The following UNC5D variants were observed in gnomAD, a reference collection of about 807,000 sequenced individuals.
The protein encoded by UNC5D is netrin receptor UNC5D.
A neutral mutation model predicts 105.4 loss-of-function variants in UNC5D; 39 were observed. That is an observed-to-expected ratio of 0.37 (90% CI 0.29 to 0.48). The LOEUF (loss-of-function observed/expected upper bound fraction) is 0.48, where lower values mean the gene tolerates loss of function less well. UNC5D is among the 20% of genes least tolerant of loss of function. The pLI is 0.98. For synonymous variants in UNC5D, 452 were observed against 450.4 expected, an observed-to-expected ratio of 1.00 and a Z score of -0.04; for missense variants, 991 against 1,202.4, an observed-to-expected ratio of 0.82 and a Z score of 2.60.
intron 4 of UNC5D, among the ~76,000 whole-genome samples, chr8:35,628,336 G>A (rs369870261): frequency 2.6e-4 from 39 of 152,174 alleles, no homozygotes; most frequent in African/African-American, 8.7e-4. Flanking sequence ...GTTTCACCAC[G>A]TTGGCCAGGC....
intron 1 of UNC5D, among the ~76,000 whole-genome samples, chr8:35,288,669 T>C (rs570685639): frequency 5.8e-4 from 88 of 152,312 alleles, no homozygotes; most frequent in South Asian, 1.2e-3. Flanking sequence ...ATTGTTGAGA[T>C]AGAAATTACA....
intron 1 of UNC5D, among the ~76,000 whole-genome samples, chr8:35,292,716 C>CTT (rs35935733): frequency 0.01 from 1,295 of 123,574 alleles, 19 homozygotes; most frequent in African/African-American, 0.018. Flanking sequence ...CTTTTTTTTC[C>CTT]TTTTTTTTTT....
intron 1 of UNC5D, among the ~76,000 whole-genome samples, chr8:35,308,097 C>T (rs1808568885): frequency 1.4e-5 from 2 of 145,168 alleles, no homozygotes; most frequent in African/African-American, 5.0e-5. Flanking sequence ...TATTTTAAGC[C>T]TTTTCTATGT....
intron 1 of UNC5D, among the ~76,000 whole-genome samples, chr8:35,302,555 G>T (rs1808039403): frequency 6.6e-6 from 1 of 152,186 alleles, no homozygotes; most frequent in African/African-American, 2.4e-5. Context: ...AAGTGCACAT[G>T]ATAGACCAAA....
At chr8:35,555,601 G>A (rs1349243754) in intron 2 of UNC5D, among the ~76,000 whole-genome samples, 3 of 152,156 alleles carry the variant, frequency 2.0e-5, no homozygotes, top group East Asian at 3.9e-4. Context: ...GCCAAGGCAG[G>A]CAGATCACAA....
intron 1 of UNC5D, among the ~76,000 whole-genome samples, chr8:35,337,471 T>A (rs149510213): frequency 6.6e-6 from 1 of 152,222 alleles, no homozygotes; most frequent in Non-Finnish European, 1.5e-5. Flanking sequence ...TACGCATTGA[T>A]GCTATTCAGT....
intron 1 of UNC5D, among the ~76,000 whole-genome samples, chr8:35,415,159 T>C (rs895227464): frequency 2.0e-5 from 3 of 152,136 alleles, no homozygotes; most frequent in African/African-American, 7.2e-5. Flanking sequence ...ACAGAAGTTA[T>C]GATAGATTTT....
intron 16 of UNC5D, among the ~76,000 whole-genome samples, chr8:35,784,472 G>A (rs914389503): frequency 9.2e-5 from 14 of 152,160 alleles, no homozygotes; most frequent in African/African-American, 3.4e-4. Context: ...GTTTAGGCCA[G>A]GCACGACAGC....
intron 4 of UNC5D, among the ~76,000 whole-genome samples, chr8:35,631,425 C>T (rs527855218): frequency 8.5e-5 from 13 of 152,290 alleles, no homozygotes; most frequent in South Asian, 6.2e-4. Context: ...CATAGTTCTT[C>T]AGACTCCTGG....
intron 7 of UNC5D, among the ~76,000 whole-genome samples, chr8:35,700,046 A>T (rs190294157): frequency 6.6e-6 from 1 of 152,218 alleles, no homozygotes; most frequent in Non-Finnish European, 1.5e-5. Context: ...TCTCCCTGAC[A>T]TATTCCGGCA....
chr8:35,272,285 C>T (rs189252188), intron 1 of UNC5D, among the ~76,000 whole-genome samples: 4 of 152,178 alleles, frequency 2.6e-5, no homozygotes, highest in East Asian at 1.9e-4. Context: ...TAGAATTTTC[C>T]GTTTTAAATG....
intron 1 of UNC5D, among the ~76,000 whole-genome samples, chr8:35,421,052 C>T (rs1378744251): frequency 6.6e-6 from 1 of 152,112 alleles, no homozygotes; most frequent in Non-Finnish European, 1.5e-5. Flanking sequence ...GAATCCCTCT[C>T]CATTCCCTCC....
At chr8:35,733,051 T>C (rs572174982) in intron 11 of UNC5D, among the ~76,000 whole-genome samples, 1 of 151,882 alleles carries the variant, frequency 6.6e-6, no homozygotes, top group South Asian at 2.1e-4. Context: ...TCTAACACTT[T>C]AGATCTGTGA....
chr8:35,687,956 C>T (rs1826128358), intron 7 of UNC5D, among the ~76,000 whole-genome samples: 1 of 151,892 alleles, frequency 6.6e-6, no homozygotes, highest in Admixed American at 6.6e-5. Context: ...CGGTGAAACC[C>T]CATCTCTACT....
chr8:35,784,459 A>G (rs947739068), intron 16 of UNC5D, among the ~76,000 whole-genome samples: 3 of 152,156 alleles, frequency 2.0e-5, no homozygotes, highest in African/African-American at 4.8e-5. Context: ...TAGAGATTAG[A>G]TTGTTTAGGC....
chr8:35,580,440 G>GA lies in UNC5D; in HGVS notation c.466+12207dup, dbSNP rs528300379. ...CCTCAGCTCTCAAATTGCTGATGAG[G>GA]AAAAAAAACAAAAACAAAAACAAAA... On this transcript the variant is annotated intron_variant, in intron 3 of 16. Coordinates refer to ENST00000404895, the MANE Select transcript of UNC5D (RefSeq NM_080872.4). Among the ~76,000 whole-genome samples, 712 of 150,322 alleles carry GA rather than the reference G, an allele frequency of 4.7e-3. 4 individuals are homozygous for GA. The highest frequency in any genetic ancestry group is 0.01 in the Middle Eastern group (3 of 292).
At chr8:35,485,636 A>T (rs1322620708) in intron 1 of UNC5D, among the ~76,000 whole-genome samples, 1 of 152,106 alleles carries the variant, frequency 6.6e-6, no homozygotes, top group Non-Finnish European at 1.5e-5. Context: ...CCCCAGTAGC[A>T]CAAGCAGTGT....
chr8:35,709,942 CTT>C (rs1827835851), intron 8 of UNC5D, among the ~76,000 whole-genome samples: 1 of 152,038 alleles, frequency 6.6e-6, no homozygotes. Context: ...GGGAAGAAAA[CTT>C]TGTTTTGTTA....
chr8:35,661,098 GT>G (rs1308439484), intron 4 of UNC5D, among the ~76,000 whole-genome samples: 1 of 151,266 alleles, frequency 6.6e-6, no homozygotes, highest in Non-Finnish European at 1.5e-5. Context: ...ACCCTATCAG[GT>G]TAAGAAAAAT....
Sources: gnomAD v4.1 joint callset for allele counts (sites outside exome capture counted in the v4.1 genomes callset) on GRCh38, gnomAD v4.1.1 for gene constraint, MANE v1.5 for transcripts, NCBI Gene and HGNC (gene_info 2026-07-23, HGNC 2026-07-21) for gene names.